Variants in C2 observed in about 807,000 individuals in gnomAD.
C2 encodes the protein complement C2, also known as C3/C5 convertase.
Under a neutral mutation model 85.2 loss-of-function variants are expected in C2, and 64 were observed. The observed-to-expected ratio is 0.75, with a 90% CI of 0.61 to 0.92. The LOEUF (loss-of-function observed/expected upper bound fraction) is 0.92, where lower values mean the gene tolerates loss of function less well. Among genes scored for constraint, C2 ranks in the 40% least tolerant of loss-of-function variants. The pLI is 0.00. For missense variants in C2, 820 were observed against 971.6 expected (o/e 0.84, Z 2.07); for synonymous variants, 311 against 370.8 (o/e 0.84, Z 1.85).
chr6:31,934,344 C>T, intron 6 of C2, 45 bp downstream of exon 6: 1 of 1,612,518 alleles, frequency 6.2e-7, no homozygotes, highest in Non-Finnish European at 8.5e-7. Context: ...TTCCTGTGCT[C>T]ACTATCTCTC....
At chr6:31,914,713 C>A (rs1032359251) in intron 1 of C2, among the ~76,000 whole-genome samples, 1 of 151,894 alleles carries the variant, frequency 6.6e-6, no homozygotes, top group African/African-American at 2.4e-5. Context: ...GAGATGGAGA[C>A]CATCCTGGCT....
In C2 at chr6:31,945,532, C is replaced by T; in HGVS notation, c.*175C>T. On this transcript the variant is annotated 3_prime_UTR_variant, in exon 18 of 18. Transcript: ENST00000299367. The surrounding 1 kb of genome is among the most constrained non-coding windows in gnomAD (Gnocchi z 5.3). ...GCTGGGAAATCCTCAGGGCTCCTACCAGCAGGACTGCCTCGCTGCCCCACC... is the reference window on the plus strand; with the variant it reads ...GCTGGGAAATCCTCAGGGCTCCTACTAGCAGGACTGCCTCGCTGCCCCACC... The T allele has an allele frequency of 1.5e-6, 1 of 671,276 alleles. No homozygotes were observed. Among genetic ancestry groups the T allele is most frequent in the Non-Finnish European group, 2.6e-6 (1 of 378,532 alleles). The allele number at this position is 671,276 out of a possible 1,614,324, so 41.6% of individuals were successfully genotyped here. A position where few individuals can be genotyped will look rare whatever the true frequency, so the allele number is the denominator to read the frequency against.
At position 31,921,215 on chromosome 6, in the gene C2, A is replaced by G. The variant is rs1582050939; in HGVS notation, c.-100+1189A>G. Among the ~76,000 whole-genome samples, 1 of 152,222 alleles carries G rather than the reference A, an allele frequency of 6.6e-6. No individual in the cohort carries two copies. The highest frequency in any genetic ancestry group is 1.9e-4 in the East Asian group (1 of 5,178). ...GCCAATTCTGTTGCTGACCTGAAAG[A>G]TGCTATTTACTTGGGGTGGAAATAG... On this transcript the variant is annotated intron_variant, in intron 1 of 3. Coordinates refer to the C2 transcript ENST00000413154. This position sits in a 1 kb window ranked among gnomAD's most constrained non-coding sequence, Gnocchi z 4.6.
intron 9 of C2, among the ~76,000 whole-genome samples, chr6:31,940,263 A>C (rs945318987): frequency 2.6e-5 from 4 of 152,176 alleles, no homozygotes; most frequent in African/African-American, 9.7e-5. Flanking sequence ...TGGCATAGAA[A>C]AATGCCCAGC....
chr6:31,914,154 G>A (rs1174610962), intron 1 of C2, among the ~76,000 whole-genome samples: 2 of 151,608 alleles, frequency 1.3e-5, no homozygotes, highest in Non-Finnish European at 1.5e-5. Context: ...CTTGTGATCC[G>A]CCTGCCTCGG....
chr6:31,934,242 T>C lies in C2; in HGVS notation c.792T>C (p.Ser264=), dbSNP rs753459103. ...ACCTGCTCCTGGACTGTTCGCAGAG[T>C]GTGTCGGAAAATGACTTTCTCATCT... is the stretch of plus-strand genomic sequence containing the variant. ...NLYLLLDCSQ[S]VSENDFLIFK... Residue 264 remains serine (S), a synonymous_variant, in exon 6 of 18, where the codon AGT becomes AGC. Coordinates refer to ENST00000299367, the MANE Select transcript of C2 (RefSeq NM_000063.6). 1.2e-6 allele frequency: 2 copies of C among 1,614,060 alleles called. No individual in the cohort carries two copies. Among genetic ancestry groups the C allele is most frequent in the South Asian group, 1.1e-5 (1 of 91,080 alleles).
Position 31,945,390 on chromosome 6 carries a change from G to C in C2, c.*33G>C. ...CACTGAGCCCTCTGCTGCCCTGCCA[G>C]AATCTGCCGCCCCTCCATCTTCTAC... On this transcript the variant is annotated 3_prime_UTR_variant, in exon 18 of 18. Transcript: ENST00000299367. The surrounding 1 kb of genome is among the most constrained non-coding windows in gnomAD (Gnocchi z 5.3). 6.2e-7 allele frequency: 1 copy of C among 1,601,796 alleles called. No homozygotes were observed. The highest frequency in any genetic ancestry group is 8.5e-7 in the Non-Finnish European group (1 of 1,171,126).
intron 1 of C2, chr6:31,902,023 C>T (rs1449096988): frequency 6.7e-6 from 1 of 149,156 alleles, no homozygotes; most frequent in Non-Finnish European, 1.5e-5. Context: ...CGGCTCGTGC[C>T]GTGTGTTCCA....
At chr6:31,936,996 T>A (rs1336524098) in intron 7 of C2, 1 of 350,934 alleles carries the variant, frequency 2.8e-6, no homozygotes, top group African/African-American at 2.1e-5. Flanking sequence ...GGCGGATCAC[T>A]TGAGGTCAGG....
intron 1 of C2, among the ~76,000 whole-genome samples, chr6:31,909,325 G>A (rs940795692): frequency 5.3e-5 from 8 of 151,346 alleles, no homozygotes; most frequent in African/African-American, 1.9e-4. Context: ...TTTTTAGACA[G>A]GATCTCTGTT....
chr6:31,922,553 A>G lies in C2; in HGVS notation c.-100+2527A>G, dbSNP rs1453639278. On this transcript the variant is annotated intron_variant, in intron 1 of 3. Transcript: ENST00000413154. The surrounding 1 kb of genome is among the most constrained non-coding windows in gnomAD (Gnocchi z 4.8). ...CATCATTTCTGATTTTTAAACTCTG[A>G]TTAGGGGGCCTGGCACAGTGGCTCA... Among the ~76,000 whole-genome samples, 1 of 152,112 alleles carries G rather than the reference A, an allele frequency of 6.6e-6. No homozygotes were observed. Among genetic ancestry groups the G allele is most frequent in the Non-Finnish European group, 1.5e-5 (1 of 68,014 alleles).
intron 1 of C2, among the ~76,000 whole-genome samples, chr6:31,908,347 T>C (rs1767866897): frequency 1.3e-5 from 2 of 151,636 alleles, no homozygotes; most frequent in African/African-American, 4.9e-5. Flanking sequence ...AATTTCATTG[T>C]TGTCTTATTT....
At chr6:31,900,374 AGGCTGCCCCCCGCCCCCC>A (rs765347637), upstream of C2, 27 of 1,404,966 alleles carry the variant, frequency 1.9e-5, no homozygotes, top group African/African-American at 4.6e-5. This position sits in a 1 kb window ranked among gnomAD's most constrained non-coding sequence, Gnocchi z 9.7. Context: ...CCCCGCCCCC[AGGCTGCCCCCCGCCCCCC>A]GGGCAGCCAT....
chr6:31,916,029 A>C (rs2151720669), upstream of C2, among the ~76,000 whole-genome samples: 1 of 152,320 alleles, frequency 6.6e-6, no homozygotes, highest in South Asian at 2.1e-4. Flanking sequence ...ATATGGATGG[A>C]TTATAACTCT....
chr6:31,908,251 C>T (rs1767860896), intron 1 of C2, among the ~76,000 whole-genome samples: 1 of 151,690 alleles, frequency 6.6e-6, no homozygotes, highest in Non-Finnish European at 1.5e-5. Flanking sequence ...GCCTTGGCCT[C>T]CCAAAGTGTT....
chr6:31,899,135 A>C (rs1285647148), upstream of C2, among the ~76,000 whole-genome samples: 1 of 151,622 alleles, frequency 6.6e-6, no homozygotes, highest in Non-Finnish European at 1.5e-5. Flanking sequence ...TAAAACCCCA[A>C]ACTCCAGAAA....
In C2 at chr6:31,944,739, G is replaced by A. The variant is rs1771216727; in HGVS notation, c.1915G>A (p.Ala639Thr). Residue 639 changes from alanine (A) to threonine (T), a missense_variant, in exon 16 of 18, where the codon GCC becomes ACC. Ala to Thr is a moderately conservative substitution (Grantham distance 58, BLOSUM62 0). Coordinates refer to ENST00000299367, the MANE Select transcript of C2 (RefSeq NM_000063.6). The surrounding 1 kb of genome is among the most constrained non-coding windows in gnomAD (Gnocchi z 5.1). ...ACCCCTGCTGCAGTGGACAAGCTGTGCCGAGGTTGTCTCCCAAGAAAAAAC... is the reference window on the plus strand; with the variant it reads ...ACCCCTGCTGCAGTGGACAAGCTGTACCGAGGTTGTCTCCCAAGAAAAAAC... ...LKMGVEWTSC[A>T]EVVSQEKTMF... 2 of 1,612,978 alleles carry A rather than the reference G, an allele frequency of 1.2e-6. No individual in the cohort carries two copies. Among genetic ancestry groups the A allele is most frequent in the Non-Finnish European group, 1.7e-6 (2 of 1,180,038 alleles).
chr6:31,916,815 TGA>T (rs547108701), upstream of C2, among the ~76,000 whole-genome samples: 47 of 119,352 alleles, frequency 3.9e-4, no homozygotes, highest in African/African-American at 1.4e-3. Context: ...TGTAGTGAGC[TGA>T]GATAGCGCCA....
chr6:31,926,335 CT>C (rs9281627), upstream of C2, among the ~76,000 whole-genome samples: 211 of 143,786 alleles, frequency 1.5e-3, no homozygotes, highest in Middle Eastern at 3.6e-3. Flanking sequence ...TTTGTGTACT[CT>C]TTTTTTTTTT....
Sources: allele counts gnomAD v4.1 joint callset (sites outside exome capture counted in the v4.1 genomes callset), GRCh38; gene constraint gnomAD v4.1.1; non-coding constraint Gnocchi (gnomAD v3.1); transcripts MANE v1.5; gene names NCBI Gene and HGNC (gene_info 2026-07-23, HGNC 2026-07-21).